GRK7: variants seen among roughly 807,000 people sequenced by gnomAD.
GRK7 encodes the protein G protein-coupled receptor kinase 7.
A neutral mutation model predicts 34.1 loss-of-function variants in GRK7; 24 were observed. The ratio of observed to expected loss-of-function variants is 0.70; its 90% CI spans 0.51 to 0.99. The LOEUF is 0.99. Ranked by LOEUF, GRK7 falls within the 50% of genes least tolerant of loss-of-function variation. GRK7 has a pLI of 0.00. For synonymous variants in GRK7, 256 were observed against 279.4 expected, an observed-to-expected ratio of 0.92 and a Z score of 0.84; for missense variants, 644 against 707.3, an observed-to-expected ratio of 0.91 and a Z score of 1.02.
chr3:141,756,677 AAAG>A, the GRK7 span, among the ~76,000 whole-genome samples: 1 of 152,138 alleles, frequency 6.6e-6, no homozygotes, highest in African/African-American at 2.4e-5. Context: ...TTTTTTTAAA[AAAG>A]AAAGAGATGG....
At position 141,764,437 on chromosome 3, in the gene GRK7, C is replaced by A. The variant is rs2084570461; in HGVS notation, c.-1516C>A. ...AAGTTGTTAAATTCACTGACCAATTCTCAGTCCTTATCCCACTGACCTCTC... is the reference window on the plus strand; with the variant it reads ...AAGTTGTTAAATTCACTGACCAATTATCAGTCCTTATCCCACTGACCTCTC... On this transcript the variant is annotated 5_prime_UTR_variant, in exon 1 of 6. Coordinates refer to ENST00000682958, the MANE Select transcript of GRK7 (RefSeq NM_139209.3). 6.6e-6 allele frequency among the ~76,000 whole-genome samples: 1 copy of A among 152,230 alleles called. No individual in the cohort carries two copies. The highest frequency in any genetic ancestry group is 2.1e-4 in the South Asian group (1 of 4,834).
rs529584833 is a variant in GRK7 at position 141,793,227 on chromosome 3, C to T, written c.1050+12416C>T. 9.8e-5 allele frequency among the ~76,000 whole-genome samples: 15 copies of T among 152,334 alleles called. 1 individual carries two copies. Among genetic ancestry groups the T allele is most frequent in the African/African-American group, 3.6e-4 (15 of 41,574 alleles). On this transcript the variant is annotated intron_variant, in intron 4 of 5. Coordinates refer to ENST00000682958, the MANE Select transcript of GRK7 (RefSeq NM_139209.3). ...AGAGGTTTGTGGGGACCTCAATTTA[C>T]AGCTGGTGGGTCAGAAGTTTTGAAG... is the stretch of plus-strand genomic sequence containing the variant.
chr3:141,768,601 C>G (rs2107871466), intron 1 of GRK7, among the ~76,000 whole-genome samples: 1 of 152,248 alleles, frequency 6.6e-6, no homozygotes. Context: ...TTAACAAGCA[C>G]AAGACACTAC....
chr3:141,770,879 C>A (rs763908274), intron 1 of GRK7, among the ~76,000 whole-genome samples: 31 of 151,350 alleles, frequency 2.0e-4, no homozygotes, highest in Non-Finnish European at 3.8e-4. Flanking sequence ...AATCTCAGCA[C>A]TTTGGGAGGC....
At chr3:141,772,255 C>T (rs181029019) in intron 1 of GRK7, among the ~76,000 whole-genome samples, 71 of 152,132 alleles carry the variant, frequency 4.7e-4, no homozygotes, top group East Asian at 2.7e-3. Flanking sequence ...CCACCATGCG[C>T]GGCTAATTTT....
chr3:141,768,444 A>AT (rs1323258139), intron 1 of GRK7, among the ~76,000 whole-genome samples: 11 of 151,552 alleles, frequency 7.3e-5, no homozygotes, highest in South Asian at 2.1e-4. Context: ...CACCTGGCTA[A>AT]TTTTTTTGTA....
intron 1 of GRK7, among the ~76,000 whole-genome samples, chr3:141,771,553 T>G (rs2084616988): frequency 6.6e-6 from 1 of 151,714 alleles, no homozygotes; most frequent in Admixed American, 6.6e-5. Flanking sequence ...GGTAAGAAGG[T>G]GGGAGCAGGG....
intron 5 of GRK7, among the ~76,000 whole-genome samples, chr3:141,809,928 T>C (rs1711076105): frequency 6.6e-6 from 1 of 152,200 alleles, no homozygotes; most frequent in Admixed American, 6.5e-5. Context: ...GTGGGTGTGA[T>C]GGTTAATTTT....
chr3:141,754,432 C>CT, the GRK7 span, among the ~76,000 whole-genome samples: 20,120 of 119,584 alleles, frequency 0.17, 1,948 homozygotes, highest in Non-Finnish European at 0.18. Flanking sequence ...TCACCACTGT[C>CT]TTTTTTTTTT....
rs781189854 is a variant in GRK7, at chr3:141,780,482, G to T, written c.721G>T (p.Glu241Ter). The T allele has an allele frequency of 6.8e-6, 11 of 1,614,102 alleles. No individual in the cohort carries two copies. The highest frequency in any genetic ancestry group is 1.3e-5 in the African/African-American group (1 of 74,932). Residue 241 changes from glutamate (E) to a stop codon, truncating the protein, a stop_gained, in exon 4 of 6, where the codon GAA becomes TAA. Coordinates refer to ENST00000682958, the MANE Select transcript of GRK7 (RefSeq NM_139209.3). LOFTEE classifies it high-confidence loss of function. ...CGAGAAGATGGCTCTCTTGGAAAAG[G>T]AAATCTTGGAGAAGGTCAGCAGCCC... ...GGEKMALLEK[E>*]ILEKVSSPFI...
intron 5 of GRK7, among the ~76,000 whole-genome samples, chr3:141,810,235 C>A (rs1337889138): frequency 6.6e-6 from 1 of 151,938 alleles, no homozygotes; most frequent in Non-Finnish European, 1.5e-5. Context: ...ATTTACAAAG[C>A]CCTAAATTAA....
chr3:141,792,207 A>G (rs1465684505), intron 4 of GRK7, among the ~76,000 whole-genome samples: 1 of 152,036 alleles, frequency 6.6e-6, no homozygotes, highest in African/African-American at 2.4e-5. Flanking sequence ...GTTCGAGACC[A>G]GCCTGGCCAA....
intron 1 of GRK7, among the ~76,000 whole-genome samples, chr3:141,771,877 G>T (rs2084618885): frequency 6.6e-6 from 1 of 151,444 alleles, no homozygotes; most frequent in Admixed American, 6.6e-5. Flanking sequence ...TAGACACAGG[G>T]TTTCACCATA....
At chr3:141,807,590 C>T (rs1711048240) in intron 4 of GRK7, 55 bp from the exon 5 acceptor site, 1 of 1,500,508 alleles carries the variant, frequency 6.7e-7, no homozygotes, top group Non-Finnish European at 9.2e-7. Flanking sequence ...GTCTGCTACA[C>T]TCACCTTAGT....
intron 4 of GRK7, among the ~76,000 whole-genome samples, chr3:141,804,676 TACAC>T (rs576062831): frequency 2.0e-5 from 3 of 148,330 alleles, no homozygotes; most frequent in Non-Finnish European, 3.0e-5. Flanking sequence ...CATGCACAGA[TACAC>T]ACATACACAC....
At chr3:141,750,764 CT>C in the GRK7 span, among the ~76,000 whole-genome samples, 41,716 of 142,892 alleles carry the variant, frequency 0.29, 5,975 homozygotes, top group African/African-American at 0.39. Flanking sequence ...GGTTTATAAC[CT>C]TTTTTTTTTT....
intron 5 of GRK7, among the ~76,000 whole-genome samples, chr3:141,813,592 A>G (rs1711118616): frequency 6.6e-6 from 1 of 151,656 alleles, no homozygotes; most frequent in Non-Finnish European, 1.5e-5. Flanking sequence ...TTTAGAAAAG[A>G]CACCCCTTGT....
At chr3:141,805,691 T>G (rs1409367491) in intron 4 of GRK7, among the ~76,000 whole-genome samples, 1 of 152,234 alleles carries the variant, frequency 6.6e-6, no homozygotes, top group African/African-American at 2.4e-5. Context: ...TTTTTTCTTG[T>G]TGTGATCCAT....
chr3:141,783,982 T>C (rs759033787), intron 4 of GRK7, among the ~76,000 whole-genome samples: 13 of 152,202 alleles, frequency 8.5e-5, no homozygotes, highest in Non-Finnish European at 1.8e-4. Context: ...CTTCACAGTT[T>C]GGCATTTGTA....
Sources: gnomAD v4.1 joint callset for allele counts (sites outside exome capture counted in the v4.1 genomes callset) on GRCh38, gnomAD v4.1.1 for gene constraint, MANE v1.5 for transcripts, NCBI Gene and HGNC (gene_info 2026-07-23, HGNC 2026-07-21) for gene names.